Variants in FARP2 observed in about 807,000 individuals in gnomAD.
FARP2 encodes the protein FERM, ARH/RhoGEF and pleckstrin domain protein 2, also known as FERM, ARHGEF and pleckstrin domain-containing protein 2.
Under a neutral mutation model 130.5 loss-of-function variants are expected in FARP2, and 111 were observed. The observed-to-expected ratio is 0.85, with a 90% CI of 0.73 to 1.00. FARP2 has a LOEUF of 1.00. FARP2 is among the 50% of genes least tolerant of loss of function. The probability of loss-of-function intolerance (pLI) is 0.00; values close to 1 mark genes in which losing one functional copy is unlikely to be tolerated. For synonymous variants in FARP2, 504 were observed against 516.9 expected (o/e 0.98, Z 0.34); for missense variants, 1,385 against 1,346.3 (o/e 1.03, Z -0.45).
intron 8 of FARP2, among the ~76,000 whole-genome samples, chr2:241,420,371 C>G (rs190368788): frequency 6.6e-6 from 1 of 152,258 alleles, no homozygotes; most frequent in African/African-American, 2.4e-5. Flanking sequence ...ATATTCCACA[C>G]TATTAAATGA....
intron 24 of FARP2, among the ~76,000 whole-genome samples, chr2:241,491,918 C>T (rs1352423447): frequency 6.6e-6 from 1 of 152,170 alleles, no homozygotes; most frequent in Non-Finnish European, 1.5e-5. Context: ...CGGGGCGTGT[C>T]CTCAGGGCCT....
In FARP2 at chr2:241,441,563, G is replaced by T. The variant is rs774195846; in HGVS notation, c.1411+7G>T. Reference sequence around the variant, plus strand: ...GCACTCCAGCCTGGTCCAGGTGTCGGGTTTTGTCATGTCGTGAGCAGCTGT... The same window carrying T: ...GCACTCCAGCCTGGTCCAGGTGTCGTGTTTTGTCATGTCGTGAGCAGCTGT... On this transcript the variant is annotated splice_region_variant and intron_variant, in intron 13 of 26. Coordinates refer to ENST00000264042, the MANE Select transcript of FARP2 (RefSeq NM_014808.4). The T allele has an allele frequency of 1.5e-5, 25 of 1,613,872 alleles. No individual in the cohort carries two copies. The highest frequency in any genetic ancestry group is 1.9e-5 in the Non-Finnish European group (23 of 1,180,050).
intron 13 of FARP2, among the ~76,000 whole-genome samples, chr2:241,449,770 G>C (rs2063602000): frequency 6.6e-6 from 1 of 152,120 alleles, no homozygotes; most frequent in Non-Finnish European, 1.5e-5. Flanking sequence ...AGGCGAAGGA[G>C]GGTGGATCAC....
intron 2 of FARP2, among the ~76,000 whole-genome samples, chr2:241,379,253 G>A (rs547652754): frequency 6.6e-6 from 1 of 152,262 alleles, no homozygotes; most frequent in African/African-American, 2.4e-5. Context: ...CGATTTAAAG[G>A]TTTTCTATTA....
intron 17 of FARP2, chr2:241,466,190 G>A: frequency 1.0e-6 from 1 of 985,394 alleles, no homozygotes. Flanking sequence ...CCCCCTCACG[G>A]GGCATAAGGT....
At chr2:241,424,074 A>G (rs777231630) in intron 8 of FARP2, among the ~76,000 whole-genome samples, 2 of 152,120 alleles carry the variant, frequency 1.3e-5, no homozygotes, top group Non-Finnish European at 2.9e-5. Context: ...ACTTTCTGAA[A>G]ATATTCAGGA....
At chr2:241,364,779 T>G (rs555557886) in intron 1 of FARP2, among the ~76,000 whole-genome samples, 2 of 152,250 alleles carry the variant, frequency 1.3e-5, no homozygotes, top group African/African-American at 4.8e-5. Context: ...TTTAATACTT[T>G]TCATTTTTTC....
rs1412994150 is a variant in FARP2, at chr2:241,475,061, T to G, written c.2132-796T>G. 6.6e-6 allele frequency among the ~76,000 whole-genome samples: 1 copy of G among 152,220 alleles called. No individual in the cohort carries two copies. The highest frequency in any genetic ancestry group is 1.5e-5 in the Non-Finnish European group (1 of 68,026). ...CTTATCTTTGCTTGAACTATAAGAT[T>G]AGCATCTGTTCCTGGTTAAAAGAGA... is the stretch of plus-strand genomic sequence containing the variant. On this transcript the variant is annotated intron_variant, in intron 18 of 26. Transcript: ENST00000264042. The surrounding 1 kb of genome is among the most constrained non-coding windows in gnomAD (Gnocchi z 4.4).
Position 241,459,099 on chromosome 2 carries a change from G to A in FARP2, c.1587+2177G>A. ...CTCTGCTTCAATTCTGTGTGTGTGA[G>A]TTGAGATAGCAAGGCTGTTGCCCAG... On this transcript the variant is annotated intron_variant, in intron 14 of 26. Transcript: ENST00000264042. This position sits in a 1 kb window ranked among gnomAD's most constrained non-coding sequence, Gnocchi z 5.3. 6.6e-6 allele frequency among the ~76,000 whole-genome samples: 1 copy of A among 152,272 alleles called. No individual in the cohort carries two copies. Among genetic ancestry groups the A allele is most frequent in the Non-Finnish European group, 1.5e-5 (1 of 68,044 alleles).
chr2:241,478,334 G>C (rs2064526186), intron 19 of FARP2: 1 of 177,916 alleles, frequency 5.6e-6, no homozygotes, highest in African/African-American at 2.4e-5. Context: ...ACTGCCACCT[G>C]CCTGGGGCAG....
At chr2:241,461,182 A>G (rs13388333) in intron 14 of FARP2, among the ~76,000 whole-genome samples, 48,007 of 151,992 alleles carry the variant, frequency 0.32, 7,871 homozygotes, top group Non-Finnish European at 0.36. Flanking sequence ...GGCTTAGGCC[A>G]AAAACTGCGG....
intron 1 of FARP2, among the ~76,000 whole-genome samples, chr2:241,363,774 C>T (rs2061243724): frequency 6.6e-6 from 1 of 152,214 alleles, no homozygotes; most frequent in African/African-American, 2.4e-5. Context: ...TCCAGCCAGG[C>T]CAGTGCCTGC....
Position 241,493,363 on chromosome 2 carries a change from T to A in FARP2, c.2966T>A (p.Ile989Lys). 6.2e-7 allele frequency: 1 copy of A among 1,614,030 alleles called. No homozygotes were observed. Among genetic ancestry groups the A allele is most frequent in the Non-Finnish European group, 8.5e-7 (1 of 1,179,986 alleles). ...SVSIPREADG[I>K]HKDYVFKLQF... ...AGCATCCCCAGGGAGGCCGATGGCA[T>A]ACACAAAGACTATGTTTTCAAGCTC... is the stretch of plus-strand genomic sequence containing the variant. Residue 989 changes from isoleucine to lysine, a missense_variant, in exon 26 of 27, where the codon ATA (isoleucine) becomes AAA (lysine). By Grantham distance (102) the Ile-to-Lys change is moderately radical. Transcript: ENST00000264042.
rs202088890 is a variant in FARP2, at chr2:241,442,833, A to AT, written c.1411+1277_1411+1278insT. ...TGCCATATGCTTTGATTCAAGTAAG[A>AT]ACTGGTGCTATACATTCTGAATGTT... On this transcript the variant is annotated intron_variant, in intron 13 of 26. Transcript: ENST00000264042. The AT allele has an allele frequency of 3.1e-3, 867 of 278,774 alleles. 14 individuals are homozygous for AT. Among genetic ancestry groups the AT allele is most frequent in the African/African-American group, 0.018 (798 of 44,856 alleles). 17.3% of individuals were successfully genotyped at this position (278,774 alleles called of 1,614,324 possible).
intron 21 of FARP2, chr2:241,489,244 C>G (rs768086937): frequency 1.3e-5 from 2 of 152,238 alleles, no homozygotes; most frequent in Non-Finnish European, 2.9e-5. Flanking sequence ...AGAACTGGCC[C>G]TCGTTCCTGA....
In FARP2 at chr2:241,434,166, C is replaced by G; in HGVS notation, c.876C>G (p.Tyr292Ter). 1.2e-6 allele frequency: 2 copies of G among 1,608,784 alleles called. No homozygotes were observed. Among genetic ancestry groups the G allele is most frequent in the Non-Finnish European group, 1.7e-6 (2 of 1,177,576 alleles). Residue 292 changes from tyrosine to a stop codon, truncating the protein, a stop_gained, in exon 10 of 27, where the codon TAC becomes TAG. Coordinates refer to ENST00000264042, the MANE Select transcript of FARP2 (RefSeq NM_014808.4). LOFTEE classifies it high-confidence loss of function. ...TTGTGTTTTGTTTCTAGGGACCTTA[C>G]CAGGACACATTAGAATTTTTGTTGG... is the stretch of plus-strand genomic sequence containing the variant. Reference protein sequence around the residue: ...IKLHPEVHGPYQDTLEFLLGS... With the variant: ...IKLHPEVHGP
intron 2 of FARP2, among the ~76,000 whole-genome samples, chr2:241,393,146 A>G (rs2061949757): frequency 1.3e-5 from 2 of 151,552 alleles, no homozygotes; most frequent in African/African-American, 4.9e-5. Flanking sequence ...CAGCCTTCTG[A>G]GTAGCTGGGA....
chr2:241,422,260 C>CAAAA (rs1198628886), intron 8 of FARP2, among the ~76,000 whole-genome samples: 2 of 91,978 alleles, frequency 2.2e-5, no homozygotes, highest in Non-Finnish European at 2.2e-5. Context: ...ACTAAAAATA[C>CAAAA]AAAAAAAAAA....
intron 7 of FARP2, among the ~76,000 whole-genome samples, 183 bp downstream of exon 7, chr2:241,413,604 C>T (rs1273615895): frequency 6.6e-6 from 1 of 152,240 alleles, no homozygotes; most frequent in African/African-American, 2.4e-5. Flanking sequence ...CACAGGTGCC[C>T]TGGCCTGAAG....
Sources: allele counts gnomAD v4.1 joint callset (sites outside exome capture counted in the v4.1 genomes callset), GRCh38; gene constraint gnomAD v4.1.1; non-coding constraint Gnocchi (gnomAD v3.1); transcripts MANE v1.5; gene names NCBI Gene and HGNC (gene_info 2026-07-23, HGNC 2026-07-21).